SH2B1: variants seen among roughly 807,000 people sequenced by gnomAD.
The protein encoded by SH2B1 is SH2B adapter protein 1.
In SH2B1, 15 loss-of-function variants were observed where a neutral mutation model predicts 62.6. That is an observed-to-expected ratio of 0.24 (90% CI 0.16 to 0.37). SH2B1 has a LOEUF of 0.37. Ranked by LOEUF, SH2B1 falls within the 10% of genes least tolerant of loss-of-function variation. SH2B1 has a pLI of 1.00. For synonymous variants in SH2B1, 443 were observed against 438.0 expected, an observed-to-expected ratio of 1.01 and a Z score of -0.14; for missense variants, 925 against 1,015.6, an observed-to-expected ratio of 0.91 and a Z score of 1.21.
At position 28,852,491 on chromosome 16, in the gene SH2B1, T is replaced by TATATATTTATATATAC. The variant is rs1567458675; in HGVS notation, c.-301+5665_-301+5666insTATATTTATATATACA. On this transcript the variant is annotated intron_variant, in intron 1 of 10. Coordinates refer to the SH2B1 transcript ENST00000322610. ...ATATACATATATATTTATATATACA[T>TATATATTTATATATAC]ACATATATTTATATATATACACATA... 5.8e-3 allele frequency among the ~76,000 whole-genome samples: 130 copies of TATATATTTATATATAC among 22,266 alleles called. 50 individuals carry two copies. Among genetic ancestry groups the TATATATTTATATATAC allele is most frequent in the Non-Finnish European group, 4.5e-3 (64 of 14,290 alleles). The allele number at this position is 22,266 out of a possible 152,430, so 14.6% of individuals were successfully genotyped here.
In SH2B1 at chr16:28,867,379, C is replaced by T. The variant is rs369196090; in HGVS notation, c.988C>T (p.Arg330Trp). 14 of 1,614,056 alleles carry T rather than the reference C, an allele frequency of 8.7e-6. No homozygotes were observed. The highest frequency in any genetic ancestry group is 6.7e-5 in the Admixed American group (4 of 60,004). ...CCCCTGCTCTTCTATCACAGACGTC[C>T]GGACAACCACAGCCCTGGAGATGCC... is the stretch of plus-strand genomic sequence containing the variant. ...SIPCSSITDV[R>W]TTTALEMPDR... The change falls in exon 2 of 8, where the codon CGG becomes TGG. Residue 330 changes from arginine to tryptophan, a missense_variant. Arg to Trp is a moderately radical substitution (Grantham distance 101). Coordinates refer to ENST00000684370, the MANE Select transcript of SH2B1 (RefSeq NM_001387430.1).
In SH2B1 at chr16:28,872,888, C is replaced by T; in HGVS notation, c.1897+183C>T. 2 of 825,072 alleles carry T rather than the reference C, an allele frequency of 2.4e-6. No homozygotes were observed. The highest frequency in any genetic ancestry group is 3.8e-6 in the Non-Finnish European group (2 of 520,106). The allele number at this position is 825,072 out of a possible 1,614,324, so 51.1% of individuals were successfully genotyped here. On this transcript the variant is annotated intron_variant, in intron 7 of 7. Transcript: ENST00000684370. This position sits in a 1 kb window ranked among gnomAD's most constrained non-coding sequence, Gnocchi z 5.3. ...GGGAAAGAAATGCGCTGATAGGACA[C>T]AGGAAGGCAGAAGGCTCCTGGCCGG...
rs1276701438 is a variant in SH2B1, at chr16:28,852,289, CAT to C, written c.-301+5471_-301+5472del. ...ATATATATTTACATATATATATTTACATATATATATTTACATATATATATTTA... is the reference window on the plus strand; with the variant it reads ...ATATATATTTACATATATATATTTACATATATATTTACATATATATATTTA... On this transcript the variant is annotated intron_variant, in intron 1 of 10. Transcript: ENST00000322610. Among the ~76,000 whole-genome samples the C allele has an allele frequency of 1.8e-3, 121 of 66,430 alleles. 2 individuals are homozygous for C. The highest frequency in any genetic ancestry group is 2.2e-3 in the Non-Finnish European group (86 of 38,952). The allele number at this position is 66,430 out of a possible 152,430, so 43.6% of individuals were successfully genotyped here. A position where few individuals can be genotyped will look rare whatever the true frequency, so the allele number is the denominator to read the frequency against.
Position 28,872,108 on chromosome 16 carries a change from A to T in SH2B1, c.1514-82A>T. On this transcript the variant is annotated intron_variant, in intron 5 of 7. Transcript: ENST00000684370. This position sits in a 1 kb window ranked among gnomAD's most constrained non-coding sequence, Gnocchi z 5.3. ...ACGCATGTGGGGAGCAGGCGCCTTG[A>T]GGGGAAGGCAAGGCTTTTTTCTCCC... 1 of 1,436,890 alleles carries T rather than the reference A, an allele frequency of 7.0e-7. No homozygotes were observed. The highest frequency in any genetic ancestry group is 9.7e-7 in the Non-Finnish European group (1 of 1,030,710). 89.0% of individuals were successfully genotyped at this position (1,436,890 alleles called of 1,614,324 possible). A position where few individuals can be genotyped will look rare whatever the true frequency, so the allele number is the denominator to read the frequency against.
intron 1 of SH2B1, among the ~76,000 whole-genome samples, chr16:28,854,368 A>G (rs966152962): frequency 5.9e-5 from 9 of 152,182 alleles, no homozygotes; most frequent in Admixed American, 1.3e-4. Flanking sequence ...TCCTCACTGC[A>G]CTTGGAATAA....
rs1962660021 is a variant in SH2B1, at chr16:28,865,971, C to T, written c.-124C>T. The stretch of plus-strand genomic sequence containing the variant: ...TGGGATGCAGCCTCCGGTGCGCCCT[C>T]AGCAGTGACCCTCGTGTGTGCCTCT... On this transcript the variant is annotated 5_prime_UTR_variant, in exon 1 of 8. An upstream open reading frame in the 5' UTR gains an earlier in-frame stop. Transcript: ENST00000684370. 1 of 1,481,670 alleles carries T rather than the reference C, an allele frequency of 6.7e-7. No homozygotes were observed. The highest frequency in any genetic ancestry group is 2.4e-5 in the Admixed American group (1 of 42,008). 91.8% of individuals were successfully genotyped at this position (1,481,670 alleles called of 1,614,324 possible). A position where few individuals can be genotyped will look rare whatever the true frequency, so the allele number is the denominator to read the frequency against.
intron 2 of SH2B1, 65 bp from the exon 3 acceptor site, chr16:28,868,941 A>G: frequency 8.2e-7 from 1 of 1,213,604 alleles, no homozygotes; most frequent in South Asian, 1.2e-5. Flanking sequence ...CATTGTTCTC[A>G]TTAGGCATGG....
chr16:28,860,731 C>T (rs138778450), upstream of SH2B1, among the ~76,000 whole-genome samples: 876 of 152,230 alleles, frequency 5.8e-3, 9 homozygotes, highest in African/African-American at 0.02. Flanking sequence ...CATTTCCCCC[C>T]GACACACACA....
chr16:28,873,153 G>T lies in SH2B1; in HGVS notation c.1898-294G>T. The T allele has an allele frequency of 6.5e-7, 1 of 1,532,256 alleles. No homozygotes were observed. The highest frequency in any genetic ancestry group is 8.8e-7 in the Non-Finnish European group (1 of 1,142,774). The allele number at this position is 1,532,256 out of a possible 1,614,324, so 94.9% of individuals were successfully genotyped here. The stretch of plus-strand genomic sequence containing the variant: ...GCCCCACCGTCCCATCTGTCCCCAC[G>T]TTGCCCCTCCCCCCAGGCCGGGAGC... On this transcript the variant is annotated intron_variant, in intron 7 of 7. Coordinates refer to ENST00000684370, the MANE Select transcript of SH2B1 (RefSeq NM_001387430.1). This position sits in a 1 kb window ranked among gnomAD's most constrained non-coding sequence, Gnocchi z 4.2.
In SH2B1 at chr16:28,872,865, G is replaced by T; in HGVS notation, c.1897+160G>T. 1 of 992,898 alleles carries T rather than the reference G, an allele frequency of 1.0e-6. No individual in the cohort carries two copies. 61.5% of individuals were successfully genotyped at this position (992,898 alleles called of 1,614,324 possible). Reference sequence around the variant, plus strand: ...CTGTTGTGCCTCGGGGTTTGGAAGGGAAAGAAATGCGCTGATAGGACACAG... The same window carrying T: ...CTGTTGTGCCTCGGGGTTTGGAAGGTAAAGAAATGCGCTGATAGGACACAG... On this transcript the variant is annotated intron_variant, in intron 7 of 7. Coordinates refer to ENST00000684370, the MANE Select transcript of SH2B1 (RefSeq NM_001387430.1). The surrounding 1 kb of genome is among the most constrained non-coding windows in gnomAD (Gnocchi z 5.3).
At chr16:28,860,451 C>T (rs568456449), upstream of SH2B1, among the ~76,000 whole-genome samples, 1 of 152,102 alleles carries the variant, frequency 6.6e-6, no homozygotes, top group African/African-American at 2.4e-5. Flanking sequence ...CCATGTTGGC[C>T]AGGCGGGTCT....
At chr16:28,863,658 T>A, upstream of SH2B1, 1 of 1,532,632 alleles carries the variant, frequency 6.5e-7, no homozygotes, top group Non-Finnish European at 8.7e-7. Flanking sequence ...GCGTCTGTGG[T>A]CGCTTTTAGG....
rs74014810 is a variant in SH2B1, at chr16:28,869,132, G to A, written c.1133+35G>A. 2,432 of 1,613,368 alleles carry A rather than the reference G, an allele frequency of 1.5e-3. 28 individuals carry two copies. The African/African-American group carries it at 0.028, about 19-fold the overall frequency. ...CTGACTTCTGTCGCTAAGGGACATA[G>A]AGTGGGGTTGGGGAGCAGCCTTGCG... On this transcript the variant is annotated intron_variant, in intron 3 of 7. Coordinates refer to ENST00000684370, the MANE Select transcript of SH2B1 (RefSeq NM_001387430.1).
Position 28,864,726 on chromosome 16 carries a change from C to T in SH2B1, c.-1369C>T, listed in dbSNP as rs1962591413. The T allele has an allele frequency of 1.1e-6, 1 of 915,260 alleles. No homozygotes were observed. Among genetic ancestry groups the T allele is most frequent in the Non-Finnish European group, 1.3e-6 (1 of 766,060 alleles). 56.7% of individuals were successfully genotyped at this position (915,260 alleles called of 1,614,324 possible). ...AACAAGAGCCAAGGGTTGTAAATTC[C>T]ACACCCAGCTCTGCCACTTTCTAGT... On this transcript the variant is annotated 5_prime_UTR_variant, in exon 1 of 8. Coordinates refer to ENST00000684370, the MANE Select transcript of SH2B1 (RefSeq NM_001387430.1).
chr16:28,872,783 G>T lies in SH2B1; in HGVS notation c.1897+78G>T, dbSNP rs749623237. On this transcript the variant is annotated intron_variant, in intron 7 of 7. Coordinates refer to ENST00000684370, the MANE Select transcript of SH2B1 (RefSeq NM_001387430.1). The surrounding 1 kb of genome is among the most constrained non-coding windows in gnomAD (Gnocchi z 5.3). ...GGTGTGTGTGCCAGAAAGATGGGGC[G>T]GGGAGGGGGGACTATCACAAGGAGA... is the stretch of plus-strand genomic sequence containing the variant. The T allele has an allele frequency of 1.0e-5, 16 of 1,544,772 alleles. No homozygotes were observed. The highest frequency in any genetic ancestry group is 1.4e-5 in the Non-Finnish European group (16 of 1,129,432).
chr16:28,856,892 A>C (rs1338469647), intron 1 of SH2B1, among the ~76,000 whole-genome samples: 1 of 152,096 alleles, frequency 6.6e-6, no homozygotes, highest in Non-Finnish European at 1.5e-5. Context: ...GTGTGCTTCC[A>C]AACCCAGGGC....
At chr16:28,852,376 ACATATATT>A (rs1410678014) in intron 1 of SH2B1, among the ~76,000 whole-genome samples, 1 of 90,254 alleles carries the variant, frequency 1.1e-5, no homozygotes, top group African/African-American at 4.8e-5. Flanking sequence ...ATATATATTT[ACATATATT>A]TATATATATA....
intron 2 of SH2B1, among the ~76,000 whole-genome samples, chr16:28,867,926 T>C (rs1962815151): frequency 6.6e-6 from 1 of 151,940 alleles, no homozygotes; most frequent in Admixed American, 6.6e-5. Context: ...CCTCCCAGGT[T>C]CAAGCGATTC....
Position 28,872,711 on chromosome 16 carries a change from C to T in SH2B1, c.1897+6C>T. The T allele has an allele frequency of 6.2e-7, 1 of 1,614,066 alleles. No homozygotes were observed. Among genetic ancestry groups the T allele is most frequent in the Non-Finnish European group, 8.5e-7 (1 of 1,179,998 alleles). ...ATCCTCCCAGCGACAGCAGGGTGAG[C>T]AGAGCAGGTCTGCAGGGGAGGAGGT... On this transcript the variant is annotated splice_donor_region_variant and intron_variant, in intron 7 of 7. Transcript: ENST00000684370. The surrounding 1 kb of genome is among the most constrained non-coding windows in gnomAD (Gnocchi z 5.3).
Sources: gnomAD v4.1 joint callset for allele counts (sites outside exome capture counted in the v4.1 genomes callset) on GRCh38, gnomAD v4.1.1 for gene constraint, Gnocchi (gnomAD v3.1) non-coding constraint, MANE v1.5 for transcripts, NCBI Gene and HGNC (gene_info 2026-07-23, HGNC 2026-07-21) for gene names.